NAV3: variants seen among roughly 807,000 people sequenced by gnomAD.
The protein encoded by NAV3 is neuron navigator 3.
Under a neutral mutation model 244.7 loss-of-function variants are expected in NAV3, and 87 were observed. The ratio of observed to expected loss-of-function variants is 0.36; its 90% CI spans 0.30 to 0.42. The LOEUF (loss-of-function observed/expected upper bound fraction) is 0.42. NAV3 is among the 20% of genes least tolerant of loss of function. The pLI, the probability that NAV3 is intolerant of heterozygous loss-of-function variation, is 1.00. For missense variants in NAV3, 2,663 were observed against 2,893.3 expected (o/e 0.92, Z 1.83); for synonymous variants, 1,126 against 1,042.2 (o/e 1.08, Z -1.55).
chr12:77,705,804 C>G (rs1365022052), intron 2 of NAV3, among the ~76,000 whole-genome samples: 1 of 151,410 alleles, frequency 6.6e-6, no homozygotes, highest in East Asian at 1.9e-4. Context: ...AGGTATCACT[C>G]TCTGTTATTA....
At chr12:77,613,893 A>G (rs1871034240) in intron 2 of NAV3, among the ~76,000 whole-genome samples, 1 of 151,988 alleles carries the variant, frequency 6.6e-6, no homozygotes, top group African/African-American at 2.4e-5. Flanking sequence ...GATCTGATCC[A>G]TGCGATGATG....
intron 5 of NAV3, among the ~76,000 whole-genome samples, chr12:77,985,855 G>T (rs777485832): frequency 3.9e-5 from 6 of 151,908 alleles, no homozygotes; most frequent in Non-Finnish European, 8.8e-5. Context: ...TTTCCTATTT[G>T]ATCTGTTTTC....
intron 12 of NAV3, among the ~76,000 whole-genome samples, chr12:78,092,755 C>T (rs1192159160): frequency 6.6e-6 from 1 of 152,048 alleles, no homozygotes; most frequent in Non-Finnish European, 1.5e-5. Flanking sequence ...CAGCCTTGGC[C>T]TCCCAAAGTG....
At chr12:78,184,052 A>G (rs1202769925) in intron 30 of NAV3, among the ~76,000 whole-genome samples, 1 of 151,862 alleles carries the variant, frequency 6.6e-6, no homozygotes, top group Non-Finnish European at 1.5e-5. Context: ...GCCTTCCAGG[A>G]TGACCTATCT....
rs1294124699 is a variant in NAV3, at chr12:78,197,191, C to T, written c.6292-56C>T. On this transcript the variant is annotated intron_variant, in intron 34 of 39. Transcript: ENST00000397909. ...AGTGCTATTCCTAAAATATTAACTG[C>T]TTCCTATTAGTATAAATTTATCACT... 12 of 1,334,866 alleles carry T rather than the reference C, an allele frequency of 9.0e-6. No individual in the cohort carries two copies. The Admixed American group carries it at 2.6e-4, about 29-fold the overall frequency. 82.7% of individuals were successfully genotyped at this position (1,334,866 alleles called of 1,614,324 possible). A position where few individuals can be genotyped will look rare whatever the true frequency, so the allele number is the denominator to read the frequency against.
rs544643725 is a variant in NAV3, at chr12:77,849,007, G to A, written c.243+17303G>A. ...GTCTTTTGGGAATTACTGCATAATA[G>A]TGATGTTTTCTTTTATTTTGGTGGC... On this transcript the variant is annotated intron_variant, in intron 1 of 39. Transcript: ENST00000397909. Among the ~76,000 whole-genome samples, 10 of 152,232 alleles carry A rather than the reference G, an allele frequency of 6.6e-5. No homozygotes were observed. The South Asian group carries it at 2.1e-3, about 32-fold the overall frequency.
At chr12:77,608,324 T>C (rs774063338) in intron 2 of NAV3, among the ~76,000 whole-genome samples, 14 of 152,120 alleles carry the variant, frequency 9.2e-5, no homozygotes, top group Non-Finnish European at 1.9e-4. Flanking sequence ...TTTGTTGTTG[T>C]AAACAATGAA....
At chr12:77,726,823 A>G (rs1289203068) in intron 2 of NAV3, among the ~76,000 whole-genome samples, 1 of 151,984 alleles carries the variant, frequency 6.6e-6, no homozygotes, top group African/African-American at 2.4e-5. Context: ...GATGATTGTG[A>G]AGTGGGACAA....
chr12:78,032,614 G>C (rs1054912310), intron 9 of NAV3, among the ~76,000 whole-genome samples: 1 of 152,078 alleles, frequency 6.6e-6, no homozygotes, highest in Admixed American at 6.6e-5. Context: ...ATTATAGTCA[G>C]GTGAAATGTA....
At chr12:77,619,756 A>G (rs938381339) in intron 2 of NAV3, among the ~76,000 whole-genome samples, 2 of 151,960 alleles carry the variant, frequency 1.3e-5, no homozygotes, top group Non-Finnish European at 2.9e-5. Flanking sequence ...TTATCTTCAC[A>G]TGTGTCTCAC....
intron 2 of NAV3, among the ~76,000 whole-genome samples, chr12:77,824,389 G>A (rs755400102): frequency 6.6e-5 from 10 of 151,472 alleles, no homozygotes; most frequent in South Asian, 6.3e-4. Context: ...CACTGCGCCC[G>A]GCCGAGAGTA....
At chr12:77,905,005 A>T (rs1885810242) in intron 1 of NAV3, among the ~76,000 whole-genome samples, 1 of 152,124 alleles carries the variant, frequency 6.6e-6, no homozygotes, top group Admixed American at 6.6e-5. Flanking sequence ...TCAATGCAGA[A>T]ATCAGTTATT....
chr12:77,742,674 A>T (rs527556892), intron 2 of NAV3, among the ~76,000 whole-genome samples: 3 of 152,180 alleles, frequency 2.0e-5, no homozygotes, highest in Non-Finnish European at 4.4e-5. Context: ...CACTATTGGG[A>T]GTCCAGAGAA....
chr12:78,055,953 T>C (rs778761357), intron 11 of NAV3, among the ~76,000 whole-genome samples: 3 of 152,232 alleles, frequency 2.0e-5, no homozygotes, highest in Non-Finnish European at 2.9e-5. Context: ...AAAACATGAT[T>C]CAGACTTCTT....
intron 1 of NAV3, among the ~76,000 whole-genome samples, chr12:77,847,948 T>A (rs1456420330): frequency 6.6e-6 from 1 of 152,230 alleles, no homozygotes; most frequent in Non-Finnish European, 1.5e-5. Context: ...TTCTTTTGAA[T>A]GCTGTTGTGT....
rs954173620 is a variant in NAV3, at chr12:77,648,796, T to C, written c.72+76530T>C. Reference sequence around the variant, plus strand: ...ATTTCAGCATCCTGAATTTTCTCCTTTTGCCAGAAGATTTCACTGGTCAGG... The same window carrying C: ...ATTTCAGCATCCTGAATTTTCTCCTCTTGCCAGAAGATTTCACTGGTCAGG... On this transcript the variant is annotated intron_variant, in intron 2 of 8. Transcript: ENST00000550042. 6.6e-5 allele frequency among the ~76,000 whole-genome samples: 10 copies of C among 152,264 alleles called. No individual in the cohort carries two copies. The South Asian group carries it at 2.1e-3, about 32-fold the overall frequency.
intron 10 of NAV3, 44 bp downstream of exon 10, chr12:78,050,145 T>C (rs1882516905): frequency 2.2e-6 from 3 of 1,341,962 alleles, no homozygotes; most frequent in African/African-American, 1.5e-5. Flanking sequence ...AAAGAAAAAA[T>C]AATTACAAAC....
At chr12:78,085,604 T>TAGA (rs546651579) in intron 12 of NAV3, among the ~76,000 whole-genome samples, 30 of 152,152 alleles carry the variant, frequency 2.0e-4, no homozygotes, top group Admixed American at 6.6e-4. Context: ...GAAGATGTAG[T>TAGA]AGAAGGGATG....
intron 8 of NAV3, among the ~76,000 whole-genome samples, chr12:78,008,613 G>T (rs936822357): frequency 6.6e-6 from 1 of 151,894 alleles, no homozygotes; most frequent in Non-Finnish European, 1.5e-5. Flanking sequence ...TAAATTTTTT[G>T]AATGTAAAAG....
Sources: allele counts gnomAD v4.1 joint callset (sites outside exome capture counted in the v4.1 genomes callset), GRCh38; gene constraint gnomAD v4.1.1; transcripts MANE v1.5; gene names NCBI Gene and HGNC (gene_info 2026-07-23, HGNC 2026-07-21).